The following COG5 variants were observed in gnomAD, a reference collection of about 807,000 sequenced individuals.
The protein encoded by COG5 is conserved oligomeric Golgi complex subunit 5.
COG5 carries 86 observed loss-of-function variants against 110.4 expected under a neutral mutation model. The ratio of observed to expected loss-of-function variants is 0.78; its 90% CI spans 0.65 to 0.93. The LOEUF (loss-of-function observed/expected upper bound fraction) is 0.93. Ranked by LOEUF, COG5 falls within the 40% of genes least tolerant of loss-of-function variation. The pLI, the probability that COG5 is intolerant of heterozygous loss-of-function variation, is 0.00. For missense variants in COG5, 1,077 were observed against 987.0 expected, an observed-to-expected ratio of 1.09 and a Z score of -1.22; for synonymous variants, 360 against 334.6, an observed-to-expected ratio of 1.08 and a Z score of -0.83.
intron 6 of COG5, among the ~76,000 whole-genome samples, chr7:107,489,814 A>G (rs1287889224): frequency 1.3e-5 from 2 of 152,130 alleles, no homozygotes; most frequent in African/African-American, 4.8e-5. Flanking sequence ...TTAAAAAAAG[A>G]AAAAGAAATC....
At chr7:107,508,216 C>T (rs888943358) in intron 6 of COG5, among the ~76,000 whole-genome samples, 1 of 152,236 alleles carries the variant, frequency 6.6e-6, no homozygotes, top group Non-Finnish European at 1.5e-5. Context: ...AAAAAAACGG[C>T]ACACCAGGGG....
chr7:107,480,012 T>A (rs938808585), intron 6 of COG5, among the ~76,000 whole-genome samples: 3 of 152,180 alleles, frequency 2.0e-5, no homozygotes, highest in African/African-American at 7.2e-5. Flanking sequence ...CATATCGTCC[T>A]CATTCTTTGT....
intron 14 of COG5, among the ~76,000 whole-genome samples, chr7:107,280,564 C>A (rs1805084601): frequency 6.6e-6 from 1 of 151,626 alleles, no homozygotes; most frequent in African/African-American, 2.4e-5. Context: ...ATAGTGGAGA[C>A]AATCAGATTT....
intron 14 of COG5, among the ~76,000 whole-genome samples, chr7:107,278,761 C>A (rs1050055002): frequency 1.3e-5 from 2 of 152,144 alleles, no homozygotes; most frequent in Non-Finnish European, 2.9e-5. Flanking sequence ...TAGACCCCTT[C>A]CTTACCCCTT....
intron 11 of COG5, among the ~76,000 whole-genome samples, chr7:107,310,539 C>A (rs1268263291): frequency 6.6e-6 from 1 of 152,120 alleles, no homozygotes; most frequent in African/African-American, 2.4e-5. Context: ...GCAGATGCTA[C>A]GGACACCCTT....
At chr7:107,269,566 T>A (rs748666499) in intron 14 of COG5, among the ~76,000 whole-genome samples, 1 of 152,202 alleles carries the variant, frequency 6.6e-6, no homozygotes, top group African/African-American at 2.4e-5. Context: ...TAAAATGCTT[T>A]AAAATCCATC....
chr7:107,286,022 T>G (rs1252276914), intron 12 of COG5, among the ~76,000 whole-genome samples: 2 of 152,160 alleles, frequency 1.3e-5, no homozygotes, highest in Non-Finnish European at 2.9e-5. Context: ...AATGCTTAAG[T>G]CTTTTTTCCT....
intron 6 of COG5, among the ~76,000 whole-genome samples, chr7:107,501,333 T>C (rs910047019): frequency 2.6e-5 from 4 of 152,096 alleles, no homozygotes; most frequent in Non-Finnish European, 5.9e-5. Flanking sequence ...AAAACTTTGA[T>C]ACATTACTAG....
At chr7:107,236,733 A>G in intron 17 of COG5, 46 bp from the exon 18 acceptor site, 1 of 1,247,958 alleles carries the variant, frequency 8.0e-7, no homozygotes, top group Non-Finnish European at 1.2e-6. Flanking sequence ...GCACTAAATC[A>G]CACTCTTTGA....
At chr7:107,556,250 C>A (rs1355533101) in intron 2 of COG5, among the ~76,000 whole-genome samples, 1 of 152,096 alleles carries the variant, frequency 6.6e-6, no homozygotes, top group Non-Finnish European at 1.5e-5. Context: ...GCTATTCACC[C>A]AACAATTTTA....
At chr7:107,258,978 T>A (rs982310076) in intron 14 of COG5, among the ~76,000 whole-genome samples, 2 of 151,780 alleles carry the variant, frequency 1.3e-5, no homozygotes, top group Non-Finnish European at 2.9e-5. Context: ...TTTTATAGAT[T>A]AAAAAAAAGC....
intron 19 of COG5, among the ~76,000 whole-genome samples, chr7:107,223,167 G>A (rs764135171): frequency 2.0e-5 from 3 of 152,196 alleles, no homozygotes; most frequent in Non-Finnish European, 4.4e-5. Context: ...CTGAGGTCTG[G>A]AAGCAGCACA....
intron 7 of COG5, among the ~76,000 whole-genome samples, chr7:107,383,826 G>A (rs1815337250): frequency 6.6e-6 from 1 of 152,070 alleles, no homozygotes; most frequent in African/African-American, 2.4e-5. Flanking sequence ...TCTCTTCACT[G>A]ATAGGTAACT....
At chr7:107,316,237 G>A (rs1808727532) in intron 11 of COG5, among the ~76,000 whole-genome samples, 2 of 152,102 alleles carry the variant, frequency 1.3e-5, no homozygotes, top group Non-Finnish European at 2.9e-5. Context: ...GTTTATAGCT[G>A]AGGAAAAGAA....
In COG5 at chr7:107,212,282, T is replaced by C. The variant is rs115043260; in HGVS notation, c.2169-1057A>G. ...CCTAGCTACTGGGGAAGCATTTCAG[T>C]CATTTATGTTGTCTATCACCAGAAA... On this transcript the variant is annotated intron_variant, in intron 19 of 21. Coordinates refer to ENST00000297135, the MANE Select transcript of COG5 (RefSeq NM_006348.5). 3.9e-3 allele frequency among the ~76,000 whole-genome samples: 598 copies of C among 152,320 alleles called. 6 individuals are homozygous for C. Among genetic ancestry groups the C allele is most frequent in the African/African-American group, 0.013 (554 of 41,568 alleles).
intron 14 of COG5, among the ~76,000 whole-genome samples, chr7:107,261,103 G>A (rs1803305385): frequency 6.6e-6 from 1 of 151,966 alleles, no homozygotes; most frequent in Non-Finnish European, 1.5e-5. Context: ...AGGAAAAGTT[G>A]GCTCTCTACA....
chr7:107,536,505 A>G (rs986214296), intron 5 of COG5, among the ~76,000 whole-genome samples: 1 of 152,192 alleles, frequency 6.6e-6, no homozygotes, highest in Admixed American at 6.5e-5. Context: ...GCAATCTCCC[A>G]TTCACAATTT....
chr7:107,510,951 C>T (rs1323279258), intron 6 of COG5, among the ~76,000 whole-genome samples: 4 of 152,044 alleles, frequency 2.6e-5, no homozygotes, highest in Non-Finnish European at 2.9e-5. Flanking sequence ...AGGAAAGATC[C>T]AAAATTGACA....
intron 10 of COG5, among the ~76,000 whole-genome samples, chr7:107,329,286 CAAGA>C (rs1223458136): frequency 6.6e-6 from 1 of 151,824 alleles, no homozygotes; most frequent in Non-Finnish European, 1.5e-5. Flanking sequence ...GCTGTTGGAA[CAAGA>C]AAGGATGTGA....
Sources: gnomAD v4.1 joint callset for allele counts (sites outside exome capture counted in the v4.1 genomes callset) on GRCh38, gnomAD v4.1.1 for gene constraint, MANE v1.5 for transcripts, NCBI Gene and HGNC (gene_info 2026-07-23, HGNC 2026-07-21) for gene names.